ECHDC3: variants seen among roughly 807,000 people sequenced by gnomAD.
The protein encoded by ECHDC3 is enoyl-CoA hydratase domain containing 3.
Under a neutral mutation model 17.9 loss-of-function variants are expected in ECHDC3, and 20 were observed. That is an observed-to-expected ratio of 1.12 (90% CI 0.79 to 1.63). The LOEUF (loss-of-function observed/expected upper bound fraction) is 1.63, where lower values mean the gene tolerates loss of function less well. Ranked by LOEUF, ECHDC3 falls within the 40% of genes most tolerant of loss-of-function variation. The pLI is 0.00. For missense variants in ECHDC3, 407 were observed against 357.7 expected (o/e 1.14, Z -1.11); for synonymous variants, 177 against 149.7 (o/e 1.18, Z -1.33).
intron 4 of ECHDC3, among the ~76,000 whole-genome samples, chr10:11,758,525 G>A (rs1014127958): frequency 2.6e-5 from 4 of 152,238 alleles, no homozygotes; most frequent in Non-Finnish European, 5.9e-5. Flanking sequence ...GCAGATGTTA[G>A]AGAGCCTGGG....
intron 3 of ECHDC3, among the ~76,000 whole-genome samples, chr10:11,752,436 A>G (rs1457759822): frequency 2.0e-5 from 3 of 151,902 alleles, no homozygotes; most frequent in Admixed American, 6.6e-5. Context: ...AGTCTTAATC[A>G]TGAAAGTAAT....
At chr10:11,744,004 G>T (rs978948813) in intron 1 of ECHDC3, among the ~76,000 whole-genome samples, 13 of 152,230 alleles carry the variant, frequency 8.5e-5, no homozygotes, top group Admixed American at 2.6e-4. Context: ...TGGGCACTAA[G>T]CAGGTGAACT....
chr10:11,754,970 G>A (rs1450221790), intron 3 of ECHDC3, among the ~76,000 whole-genome samples: 1 of 152,176 alleles, frequency 6.6e-6, no homozygotes, highest in Non-Finnish European at 1.5e-5. Context: ...TTCTTCCATA[G>A]AATCGGATAA....
At position 11,755,404 on chromosome 10, in the gene ECHDC3, G is replaced by T; in HGVS notation, c.391-4G>T. ...GAAATGAAGTAGGTGTGTTTGTCCC[G>T]CAGGTCATGATGCACATCCGGAACC... On this transcript the variant is annotated splice_polypyrimidine_tract_variant and splice_region_variant and intron_variant, in intron 3 of 4. Coordinates refer to ENST00000379215, the MANE Select transcript of ECHDC3 (RefSeq NM_024693.5). The T allele has an allele frequency of 3.1e-6, 5 of 1,603,290 alleles. No homozygotes were observed. The highest frequency in any genetic ancestry group is 4.3e-6 in the Non-Finnish European group (5 of 1,172,306).
chr10:11,743,168 C>T (rs1171407095), intron 1 of ECHDC3, among the ~76,000 whole-genome samples: 1 of 152,130 alleles, frequency 6.6e-6, no homozygotes, highest in Admixed American at 6.5e-5. Context: ...GCTACGGGCC[C>T]AAAACTCTTA....
intron 1 of ECHDC3, 95 bp downstream of exon 1, chr10:11,742,841 C>T (rs1312454899): frequency 4.3e-5 from 51 of 1,188,740 alleles, no homozygotes; most frequent in Non-Finnish European, 5.3e-5. Flanking sequence ...ACCGGAGCCC[C>T]GTTTACGCCC....
At chr10:11,760,744 G>A (rs947763373) in intron 4 of ECHDC3, among the ~76,000 whole-genome samples, 16 of 152,208 alleles carry the variant, frequency 1.1e-4, no homozygotes, top group African/African-American at 3.4e-4. Flanking sequence ...CAGCTGACAC[G>A]CAGTTCAGGG....
chr10:11,742,894 C>T lies in ECHDC3; in HGVS notation c.170+148C>T, dbSNP rs1036153504. ...CGTGTCCCGGACCCGGGCCTGGCAGCGAGACGCGCAGGTGGGATTGTAGGG... is the reference window on the plus strand; with the variant it reads ...CGTGTCCCGGACCCGGGCCTGGCAGTGAGACGCGCAGGTGGGATTGTAGGG... On this transcript the variant is annotated intron_variant, in intron 1 of 4. Transcript: ENST00000379215. 6.4e-6 allele frequency: 6 copies of T among 940,344 alleles called. No homozygotes were observed. The East Asian group carries it at 1.4e-4, about 23-fold the overall frequency. 58.3% of individuals were successfully genotyped at this position (940,344 alleles called of 1,614,324 possible). A position where few individuals can be genotyped will look rare whatever the true frequency, so the allele number is the denominator to read the frequency against.
intron 3 of ECHDC3, among the ~76,000 whole-genome samples, chr10:11,754,895 T>C (rs1832868118): frequency 6.6e-6 from 1 of 152,224 alleles, no homozygotes; most frequent in Non-Finnish European, 1.5e-5. Context: ...AAAGACCAAA[T>C]TACAGTGCCT....
chr10:11,758,854 C>T (rs1033761939), intron 4 of ECHDC3, among the ~76,000 whole-genome samples: 5 of 152,232 alleles, frequency 3.3e-5, no homozygotes, highest in African/African-American at 9.6e-5. Context: ...TGACTCTTTC[C>T]GTAGTGCTCC....
intron 3 of ECHDC3, among the ~76,000 whole-genome samples, chr10:11,751,736 T>G (rs961198698): frequency 6.6e-6 from 1 of 152,224 alleles, no homozygotes; most frequent in African/African-American, 2.4e-5. Flanking sequence ...GAAAATGACC[T>G]GCCATGGCGC....
chr10:11,754,773 C>T (rs1034903611), intron 3 of ECHDC3, among the ~76,000 whole-genome samples: 3 of 152,204 alleles, frequency 2.0e-5, no homozygotes, highest in Non-Finnish European at 4.4e-5. Flanking sequence ...GGAAGGCAGG[C>T]GGGGGTCTGT....
At chr10:11,747,811 C>T (rs758453487) in intron 2 of ECHDC3, among the ~76,000 whole-genome samples, 7 of 152,308 alleles carry the variant, frequency 4.6e-5, no homozygotes, top group Admixed American at 2.0e-4. Context: ...AATCCTTTGG[C>T]GCATTTGATT....
chr10:11,753,696 C>T (rs933816483), intron 3 of ECHDC3, among the ~76,000 whole-genome samples: 4 of 152,178 alleles, frequency 2.6e-5, no homozygotes, highest in Admixed American at 2.0e-4. Context: ...CCCAGTCTCG[C>T]CTTACAGTGC....
At chr10:11,749,338 C>CA (rs1832798242) in intron 2 of ECHDC3, among the ~76,000 whole-genome samples, 157 bp from the exon 3 acceptor site, 1 of 152,216 alleles carries the variant, frequency 6.6e-6, no homozygotes, top group African/African-American at 2.4e-5. Flanking sequence ...TGGAACTTTT[C>CA]AAGCAAACTG....
At chr10:11,745,874 A>C (rs6602521) in intron 1 of ECHDC3, among the ~76,000 whole-genome samples, 142,359 of 152,276 alleles carry the variant, frequency 0.93, 67,343 homozygotes, top group East Asian at 1. Flanking sequence ...AGCATGTGGG[A>C]TGCCTCAAAA....
intron 1 of ECHDC3, among the ~76,000 whole-genome samples, chr10:11,746,920 G>A (rs977704973): frequency 2.6e-5 from 4 of 152,136 alleles, no homozygotes; most frequent in South Asian, 2.1e-4. Flanking sequence ...TTCTGGGCTC[G>A]TTTTCTAACT....
Position 11,747,480 on chromosome 10 carries a change from T to C in ECHDC3, c.292+10T>C. The C allele has an allele frequency of 6.2e-7, 1 of 1,613,194 alleles. No homozygotes were observed. Among genetic ancestry groups the C allele is most frequent in the Non-Finnish European group, 8.5e-7 (1 of 1,179,806 alleles). On this transcript the variant is annotated intron_variant, in intron 2 of 4. Coordinates refer to ENST00000379215, the MANE Select transcript of ECHDC3 (RefSeq NM_024693.5). ...GTCATTATCATCTCGGGTATGTATC[T>C]GATATCTGTCCTTAGTATTCTGCAG...
In ECHDC3 at chr10:11,763,079, C is replaced by G. The variant is rs1025635024; in HGVS notation, c.592-145C>G. On this transcript the variant is annotated intron_variant, in intron 4 of 4. Transcript: ENST00000379215. This position sits in a 1 kb window ranked among gnomAD's most constrained non-coding sequence, Gnocchi z 4.9. ...CTCTTGGAAAGATCCGCTCTCCTCCCGGGCAGGAGTTAGGGCACTGAAGAC... is the reference window on the plus strand; with the variant it reads ...CTCTTGGAAAGATCCGCTCTCCTCCGGGGCAGGAGTTAGGGCACTGAAGAC... The G allele has an allele frequency of 2.5e-5, 15 of 602,006 alleles. No individual in the cohort carries two copies. The South Asian group carries it at 2.6e-4, about 10-fold the overall frequency. The allele number at this position is 602,006 out of a possible 1,614,324, so 37.3% of individuals were successfully genotyped here.
Sources: allele counts gnomAD v4.1 joint callset (sites outside exome capture counted in the v4.1 genomes callset), GRCh38; gene constraint gnomAD v4.1.1; non-coding constraint Gnocchi (gnomAD v3.1); transcripts MANE v1.5; gene names NCBI Gene and HGNC (gene_info 2026-07-23, HGNC 2026-07-21).